Variants in RGS7 observed in about 807,000 individuals in gnomAD.
RGS7 encodes regulator of G-protein signaling 7.
In RGS7, 27 loss-of-function variants were observed where a neutral mutation model predicts 81.1. The ratio of observed to expected loss-of-function variants is 0.33; its 90% CI spans 0.25 to 0.46. The LOEUF is 0.46. RGS7 is among the 20% of genes least tolerant of loss of function. The pLI is 1.00. For missense variants in RGS7, 396 were observed against 607.4 expected (o/e 0.65, Z 3.66); for synonymous variants, 208 against 207.7 (o/e 1.00, Z -0.01).
intron 2 of RGS7, among the ~76,000 whole-genome samples, chr1:241,218,204 C>T (rs1395173367): frequency 3.9e-5 from 6 of 152,152 alleles, no homozygotes; most frequent in Non-Finnish European, 5.9e-5. Context: ...TCCCTTTGTC[C>T]AGATGAGAAT....
intron 2 of RGS7, among the ~76,000 whole-genome samples, chr1:241,148,800 C>T (rs370596389): frequency 6.2e-4 from 95 of 152,272 alleles, no homozygotes; most frequent in African/African-American, 2.2e-3. Context: ...TATGTATGTG[C>T]GTATGCACAC....
At chr1:241,171,711 C>T (rs6429248) in intron 2 of RGS7, among the ~76,000 whole-genome samples, 24,052 of 152,140 alleles carry the variant, frequency 0.16, 2,794 homozygotes, top group African/African-American at 0.32. Context: ...TGGATTAAGT[C>T]GGTACCCTAT....
intron 2 of RGS7, among the ~76,000 whole-genome samples, chr1:241,252,496 T>C (rs961880980): frequency 1.3e-5 from 2 of 152,230 alleles, no homozygotes; most frequent in African/African-American, 2.4e-5. Context: ...TGTGGTTTTC[T>C]TTCTTTGAGA....
intron 5 of RGS7, 128 bp from the exon 6 acceptor site, chr1:240,930,896 C>T (rs960358173): frequency 1.1e-6 from 1 of 951,498 alleles, no homozygotes; most frequent in African/African-American, 1.6e-5. Context: ...TAATACAGAA[C>T]ATGTTCCAAG....
chr1:241,337,061 T>C (rs2082282956), intron 2 of RGS7, among the ~76,000 whole-genome samples: 1 of 152,178 alleles, frequency 6.6e-6, no homozygotes, highest in Non-Finnish European at 1.5e-5. Context: ...CCATTTTCCA[T>C]CTGTGTGATC....
chr1:241,241,654 C>T (rs2076262757), intron 2 of RGS7, among the ~76,000 whole-genome samples: 1 of 152,104 alleles, frequency 6.6e-6, no homozygotes, highest in Admixed American at 6.5e-5. Flanking sequence ...AAAGTATTCT[C>T]TTCACCTGGC....
intron 3 of RGS7, among the ~76,000 whole-genome samples, chr1:241,052,670 T>C (rs2061312649): frequency 6.6e-6 from 1 of 151,740 alleles, no homozygotes; most frequent in African/African-American, 2.4e-5. Context: ...CCTTAAGGAT[T>C]CTCTAATAAG....
At chr1:241,260,936 G>T in intron 2 of RGS7, among the ~76,000 whole-genome samples, 1 of 115,742 alleles carries the variant, frequency 8.6e-6, no homozygotes, top group Non-Finnish European at 1.7e-5. Context: ...GTGGGGGGAG[G>T]GGGAAGGGAT....
At chr1:241,215,549 T>C (rs74767499) in intron 2 of RGS7, among the ~76,000 whole-genome samples, 2 of 152,338 alleles carry the variant, frequency 1.3e-5, no homozygotes, top group East Asian at 1.9e-4. Context: ...TATGTCTCTC[T>C]CTTTTCTAGT....
intron 6 of RGS7, among the ~76,000 whole-genome samples, chr1:240,916,522 C>T (rs1018734230): frequency 9.2e-5 from 14 of 152,132 alleles, no homozygotes; most frequent in Non-Finnish European, 1.5e-5. Context: ...AAAGCCCTAA[C>T]TCCCAGTAAC....
intron 6 of RGS7, among the ~76,000 whole-genome samples, chr1:240,919,252 C>A (rs894095705): frequency 5.3e-5 from 8 of 152,006 alleles, no homozygotes; most frequent in Non-Finnish European, 8.8e-5. Flanking sequence ...TACTCTAATA[C>A]CAAAGTCATT....
intron 2 of RGS7, among the ~76,000 whole-genome samples, chr1:241,154,532 G>T (rs962783814): frequency 2.3e-4 from 35 of 152,248 alleles, no homozygotes; most frequent in African/African-American, 8.0e-4. Flanking sequence ...CCAGGACTGT[G>T]CCCAGAGAAG....
At chr1:240,930,222 CTTTT>C (rs10676730) in intron 6 of RGS7, among the ~76,000 whole-genome samples, 1 of 113,880 alleles carries the variant, frequency 8.8e-6, no homozygotes, top group Non-Finnish European at 1.7e-5. Flanking sequence ...TCTTTTTTAG[CTTTT>C]TTTTTTTTTT....
At chr1:241,004,228 A>T (rs901783820) in intron 3 of RGS7, among the ~76,000 whole-genome samples, 1 of 152,136 alleles carries the variant, frequency 6.6e-6, no homozygotes, top group African/African-American at 2.4e-5. Flanking sequence ...TTAGACCTCC[A>T]TTATAAACTT....
chr1:240,920,481 C>T (rs189028944), intron 6 of RGS7: 29 of 963,244 alleles, frequency 3.0e-5, no homozygotes, highest in African/African-American at 4.8e-5. Context: ...ACCCATGAAG[C>T]GAGGAAACTT....
chr1:241,016,244 G>A (rs1480543930), intron 3 of RGS7, among the ~76,000 whole-genome samples: 1 of 152,176 alleles, frequency 6.6e-6, no homozygotes, highest in Non-Finnish European at 1.5e-5. Context: ...TCATGTCTGG[G>A]TGCGGTGGCT....
intron 2 of RGS7, among the ~76,000 whole-genome samples, chr1:241,110,978 C>G (rs1373745732): frequency 6.6e-6 from 1 of 152,112 alleles, no homozygotes; most frequent in Non-Finnish European, 1.5e-5. Flanking sequence ...AGCCACCGTG[C>G]TTGGCCAAGC....
intron 18 of RGS7, among the ~76,000 whole-genome samples, chr1:240,782,629 C>G (rs983727312): frequency 6.6e-6 from 1 of 151,818 alleles, no homozygotes; most frequent in East Asian, 1.9e-4. Context: ...ATTATGTCAT[C>G]CAGTCTGATC....
At chr1:240,813,798 A>G (rs571446919) in intron 12 of RGS7, 70 bp from the exon 13 acceptor site, 1 of 956,096 alleles carries the variant, frequency 1.0e-6, no homozygotes, top group South Asian at 1.4e-5. Flanking sequence ...AAAGCAGGGA[A>G]AACAATATAA....
Sources: gnomAD v4.1 joint callset for allele counts (sites outside exome capture counted in the v4.1 genomes callset) on GRCh38, gnomAD v4.1.1 for gene constraint, MANE v1.5 for transcripts, NCBI Gene and HGNC (gene_info 2026-07-23, HGNC 2026-07-21) for gene names.